KCNJ16: variants seen among roughly 807,000 people sequenced by gnomAD.
KCNJ16 encodes the protein inward rectifier potassium channel 16.
A neutral mutation model predicts 18.5 loss-of-function variants in KCNJ16; 15 were observed. The observed-to-expected ratio is 0.81, with a 90% CI of 0.54 to 1.25. The LOEUF is 1.25. KCNJ16 is among the 50% of genes most tolerant of loss of function. The pLI is 0.00. For synonymous variants in KCNJ16, 174 were observed against 186.5 expected (o/e 0.93, Z 0.55); for missense variants, 523 against 525.7 (o/e 0.99, Z 0.05).
chr17:70,113,264 G>C (rs1476384827), intron 2 of KCNJ16, among the ~76,000 whole-genome samples: 1 of 152,136 alleles, frequency 6.6e-6, no homozygotes, highest in Non-Finnish European at 1.5e-5. Context: ...CTTAACCCTA[G>C]TCACCTTTCT....
chr17:70,082,199 T>G (rs1231120157), intron 1 of KCNJ16, among the ~76,000 whole-genome samples: 3 of 152,158 alleles, frequency 2.0e-5, no homozygotes, highest in Non-Finnish European at 4.4e-5. Flanking sequence ...TAATACAGTA[T>G]TCAGGTTTTA....
At chr17:70,118,785 G>A (rs529347144) in intron 2 of KCNJ16, among the ~76,000 whole-genome samples, 1 of 152,214 alleles carries the variant, frequency 6.6e-6, no homozygotes, top group South Asian at 2.1e-4. Flanking sequence ...AGATTTGGGT[G>A]GGGACAAATA....
At chr17:70,104,888 T>A (rs1485630596) in intron 2 of KCNJ16, 2 of 152,622 alleles carry the variant, frequency 1.3e-5, no homozygotes, top group East Asian at 3.9e-4. Context: ...GGTGAATGTA[T>A]CCGGAAAGGC....
At chr17:70,105,001 A>G (rs992972900) in intron 2 of KCNJ16, 1 of 152,646 alleles carries the variant, frequency 6.6e-6, no homozygotes, top group African/African-American at 2.4e-5. Flanking sequence ...GGGCCCTGAG[A>G]TGCTCAGCTA....
chr17:70,084,610 T>C (rs1196477841), intron 1 of KCNJ16, among the ~76,000 whole-genome samples: 1 of 152,192 alleles, frequency 6.6e-6, no homozygotes, highest in Non-Finnish European at 1.5e-5. Flanking sequence ...CCCTGGTCTT[T>C]GCTTCATTTC....
At chr17:70,125,870 T>C (rs1206430119) in intron 2 of KCNJ16, among the ~76,000 whole-genome samples, 3 of 151,414 alleles carry the variant, frequency 2.0e-5, no homozygotes, top group Non-Finnish European at 1.5e-5. Flanking sequence ...AGGTAGAGGT[T>C]GCAGTGAGCC....
intron 1 of KCNJ16, among the ~76,000 whole-genome samples, chr17:70,080,125 C>A (rs2071490279): frequency 6.6e-6 from 1 of 152,162 alleles, no homozygotes; most frequent in African/African-American, 2.4e-5. Context: ...GTCCAACCTT[C>A]TAATGACATT....
At chr17:70,087,466 C>T (rs914048886) in intron 1 of KCNJ16, among the ~76,000 whole-genome samples, 2 of 152,006 alleles carry the variant, frequency 1.3e-5, no homozygotes, top group African/African-American at 4.8e-5. Flanking sequence ...CTTTGGGAGG[C>T]CAAGGTGGGC....
intron 1 of KCNJ16, among the ~76,000 whole-genome samples, chr17:70,077,709 T>C (rs1254001152): frequency 6.6e-6 from 1 of 152,068 alleles, no homozygotes; most frequent in African/African-American, 2.4e-5. Context: ...TTTCTTGCAT[T>C]TTAGTGAGTC....
chr17:70,099,745 G>C (rs776356848), intron 1 of KCNJ16, among the ~76,000 whole-genome samples: 19 of 152,008 alleles, frequency 1.2e-4, no homozygotes, highest in Admixed American at 2.6e-4. Context: ...ACAAGGAGAA[G>C]AAAAAAATAA....
intron 1 of KCNJ16, among the ~76,000 whole-genome samples, chr17:70,083,740 A>G (rs1319728832): frequency 6.6e-6 from 1 of 152,200 alleles, no homozygotes. Context: ...GACTGTATAT[A>G]TATCATAAAA....
At chr17:70,082,502 A>G (rs1378467822) in intron 1 of KCNJ16, among the ~76,000 whole-genome samples, 1 of 152,184 alleles carries the variant, frequency 6.6e-6, no homozygotes, top group East Asian at 1.9e-4. Context: ...GAACATGTGG[A>G]GAGCAGAGAA....
intron 2 of KCNJ16, chr17:70,128,946 C>T (rs954315981): frequency 2.6e-5 from 4 of 152,244 alleles, no homozygotes; most frequent in Non-Finnish European, 5.9e-5. Flanking sequence ...TCTGATGTAA[C>T]TGCTACGCAG....
intron 2 of KCNJ16, among the ~76,000 whole-genome samples, chr17:70,106,611 A>G (rs866014830): frequency 2.2e-4 from 34 of 152,210 alleles, no homozygotes; most frequent in Admixed American, 2.2e-3. Flanking sequence ...GATGGGATAC[A>G]GTTGCAATAT....
At chr17:70,125,991 G>A (rs1367738631) in intron 2 of KCNJ16, among the ~76,000 whole-genome samples, 1 of 151,960 alleles carries the variant, frequency 6.6e-6, no homozygotes, top group African/African-American at 2.4e-5. Flanking sequence ...CTACTCTATA[G>A]ACGGGGCAGA....
chr17:70,129,536 C>T (rs1205844304), intron 2 of KCNJ16, among the ~76,000 whole-genome samples: 4 of 152,132 alleles, frequency 2.6e-5, no homozygotes, highest in Non-Finnish European at 4.4e-5. Flanking sequence ...CTAAAGACAA[C>T]TGTCTTTTAA....
At chr17:70,091,067 A>T (rs779404332) in intron 1 of KCNJ16, among the ~76,000 whole-genome samples, 3 of 152,124 alleles carry the variant, frequency 2.0e-5, no homozygotes, top group Non-Finnish European at 2.9e-5. Context: ...GAGAATGTTA[A>T]GTTCTCCCCT....
chr17:70,115,348 T>C (rs531559690), intron 2 of KCNJ16, among the ~76,000 whole-genome samples: 172 of 152,108 alleles, frequency 1.1e-3, no homozygotes, highest in Admixed American at 2.4e-3. Flanking sequence ...TATGCCTAAA[T>C]AGCTGGGGAC....
At chr17:70,113,789 C>T (rs971368079) in intron 2 of KCNJ16, among the ~76,000 whole-genome samples, 22 of 152,052 alleles carry the variant, frequency 1.4e-4, no homozygotes, top group African/African-American at 5.3e-4. Context: ...CGTTATTCTT[C>T]TATAGCACTA....
Sources: gnomAD v4.1 joint callset for allele counts (sites outside exome capture counted in the v4.1 genomes callset) on GRCh38, gnomAD v4.1.1 for gene constraint, MANE v1.5 for transcripts, NCBI Gene and HGNC (gene_info 2026-07-23, HGNC 2026-07-21) for gene names.